The following MAPKAPK2 variants were observed in gnomAD, a reference collection of about 807,000 sequenced individuals.
MAPKAPK2 encodes MAPK activated protein kinase 2.
In MAPKAPK2, 9 loss-of-function variants were observed where a neutral mutation model predicts 48.8. The observed-to-expected ratio is 0.18, with a 90% CI of 0.11 to 0.32. The LOEUF is 0.32. Among genes scored for constraint, MAPKAPK2 ranks in the 10% least tolerant of loss-of-function variants. The pLI is 1.00. For synonymous variants in MAPKAPK2, 202 were observed against 190.6 expected, an observed-to-expected ratio of 1.06 and a Z score of -0.49; for missense variants, 331 against 498.3, an observed-to-expected ratio of 0.66 and a Z score of 3.20.
intron 1 of MAPKAPK2, among the ~76,000 whole-genome samples, chr1:206,711,185 A>G (rs1310641945): frequency 6.6e-6 from 1 of 152,238 alleles, no homozygotes; most frequent in African/African-American, 2.4e-5. Context: ...AAAACATTTT[A>G]CAAAATGGGA....
At chr1:206,728,100 G>A in intron 1 of MAPKAPK2, among the ~76,000 whole-genome samples, 1 of 152,170 alleles carries the variant, frequency 6.6e-6, no homozygotes, top group East Asian at 1.9e-4. Flanking sequence ...GGAGAAGAAG[G>A]GGCATCAGTG....
Position 206,731,392 on chromosome 1 carries a change from G to A in MAPKAPK2, c.892+130G>A. The A allele has an allele frequency of 6.7e-7, 1 of 1,492,224 alleles. No homozygotes were observed. The highest frequency in any genetic ancestry group is 2.4e-5 in the East Asian group (1 of 41,066). The allele number at this position is 1,492,224 out of a possible 1,614,324, so 92.4% of individuals were successfully genotyped here. The stretch of plus-strand genomic sequence containing the variant: ...GGTGTAACTGTGGGTTAGCACCTAT[G>A]CCCACGCCTGCGGGGTGCGTCCTGC... On this transcript the variant is annotated intron_variant, in intron 7 of 9. Transcript: ENST00000367103. This position sits in a 1 kb window ranked among gnomAD's most constrained non-coding sequence, Gnocchi z 5.9.
chr1:206,730,921 A>G (rs1290310234), intron 6 of MAPKAPK2, among the ~76,000 whole-genome samples, 158 bp downstream of exon 6: 2 of 152,154 alleles, frequency 1.3e-5, no homozygotes, highest in Non-Finnish European at 2.9e-5. Flanking sequence ...TGGCGGGTGT[A>G]AACCAGCTCA....
chr1:206,719,296 G>A (rs1190231561), intron 1 of MAPKAPK2, among the ~76,000 whole-genome samples: 2 of 152,180 alleles, frequency 1.3e-5, no homozygotes, highest in Admixed American at 6.5e-5. Flanking sequence ...AGAGGGGGCC[G>A]ACAGGCACAG....
intron 1 of MAPKAPK2, among the ~76,000 whole-genome samples, chr1:206,699,398 C>G (rs1672730632): frequency 6.6e-6 from 1 of 152,190 alleles, no homozygotes; most frequent in Admixed American, 6.5e-5. Context: ...ATACCTGTGA[C>G]ACAGCCAGGG....
rs1673943715 is a variant in MAPKAPK2, at chr1:206,732,339, G to T, written c.1060-236G>T. On this transcript the variant is annotated intron_variant, in intron 9 of 9. Transcript: ENST00000367103. This position sits in a 1 kb window ranked among gnomAD's most constrained non-coding sequence, Gnocchi z 4.4. ...TTCCTCCTATCCTGCGGGATCACTG[G>T]GGGGCTCTCAGGGAACAGCAGCAGT... The T allele has an allele frequency of 2.1e-6, 3 of 1,443,634 alleles. No homozygotes were observed. Among genetic ancestry groups the T allele is most frequent in the African/African-American group, 1.4e-5 (1 of 69,686 alleles). The allele number at this position is 1,443,634 out of a possible 1,614,324, so 89.4% of individuals were successfully genotyped here.
intron 1 of MAPKAPK2, among the ~76,000 whole-genome samples, chr1:206,700,745 C>A (rs1214102742): frequency 6.6e-6 from 1 of 152,214 alleles, no homozygotes; most frequent in African/African-American, 2.4e-5. Context: ...GATTCAATTT[C>A]TCTCCCTTGG....
intron 1 of MAPKAPK2, among the ~76,000 whole-genome samples, chr1:206,701,272 C>T (rs1412960505): frequency 1.3e-5 from 2 of 152,194 alleles, no homozygotes; most frequent in African/African-American, 4.8e-5. Context: ...GTGTTAATAA[C>T]ATTTAAAATT....
chr1:206,703,786 C>A (rs1672868972), intron 1 of MAPKAPK2, among the ~76,000 whole-genome samples: 1 of 152,218 alleles, frequency 6.6e-6, no homozygotes, highest in Admixed American at 6.5e-5. Context: ...AATTCCCCAG[C>A]CCCTTGAGGT....
intron 1 of MAPKAPK2, among the ~76,000 whole-genome samples, chr1:206,719,448 A>G (rs1371618218): frequency 6.6e-6 from 1 of 152,262 alleles, no homozygotes; most frequent in Admixed American, 6.5e-5. Flanking sequence ...GAACATTAAT[A>G]ACAAATAGAG....
chr1:206,687,406 C>T (rs1474577790), intron 1 of MAPKAPK2, among the ~76,000 whole-genome samples: 1 of 152,214 alleles, frequency 6.6e-6, no homozygotes, highest in Non-Finnish European at 1.5e-5. Flanking sequence ...TAGTTTATCC[C>T]TCTCAGGTTA....
At chr1:206,701,525 G>A (rs1298009499) in intron 1 of MAPKAPK2, among the ~76,000 whole-genome samples, 2 of 151,990 alleles carry the variant, frequency 1.3e-5, no homozygotes, top group Non-Finnish European at 2.9e-5. Context: ...ATTTAGAAAA[G>A]GATCTTAAAA....
rs559281982 is a variant in MAPKAPK2 at position 206,691,883 on chromosome 1, A to G, written c.279+6375A>G. On this transcript the variant is annotated intron_variant, in intron 1 of 9. Transcript: ENST00000367103. Reference sequence around the variant, plus strand: ...GCCTGTGTCCAGTTAATGAATAATCATCACTGACCAGCTGCTCCTTCTCTT... The same window carrying G: ...GCCTGTGTCCAGTTAATGAATAATCGTCACTGACCAGCTGCTCCTTCTCTT... Among the ~76,000 whole-genome samples the G allele has an allele frequency of 7.2e-5, 11 of 152,310 alleles. No individual in the cohort carries two copies. The South Asian group carries it at 2.3e-3, about 32-fold the overall frequency.
chr1:206,728,681 A>C, intron 1 of MAPKAPK2, 29 bp from the exon 2 acceptor site: 1 of 1,607,088 alleles, frequency 6.2e-7, no homozygotes, highest in Non-Finnish European at 8.5e-7. Context: ...GTGACAGCGC[A>C]GTTACTCAGA....
intron 1 of MAPKAPK2, among the ~76,000 whole-genome samples, chr1:206,711,529 G>A (rs563494693): frequency 6.6e-6 from 1 of 151,936 alleles, no homozygotes; most frequent in Non-Finnish European, 1.5e-5. Flanking sequence ...GGGATTACAG[G>A]TGTGAGCCAC....
rs963208302 is a variant in MAPKAPK2, at chr1:206,732,480, C to T, written c.1060-95C>T. The T allele has an allele frequency of 1.4e-5, 22 of 1,560,782 alleles. No individual in the cohort carries two copies. Among genetic ancestry groups the T allele is most frequent in the East Asian group, 2.3e-5 (1 of 44,202 alleles). On this transcript the variant is annotated intron_variant, in intron 9 of 9. Coordinates refer to ENST00000367103, the MANE Select transcript of MAPKAPK2 (RefSeq NM_032960.4). The surrounding 1 kb of genome is among the most constrained non-coding windows in gnomAD (Gnocchi z 4.4). ...CCACCCCTGCCGCCCTCACCCTGCCCTTGTTGTCTCTGTCTCTCACGTCTC... is the reference window on the plus strand; with the variant it reads ...CCACCCCTGCCGCCCTCACCCTGCCTTTGTTGTCTCTGTCTCTCACGTCTC...
At chr1:206,730,236 C>T in intron 5 of MAPKAPK2, 138 bp downstream of exon 5, 1 of 1,064,310 alleles carries the variant, frequency 9.4e-7, no homozygotes, top group Non-Finnish European at 1.4e-6. Flanking sequence ...CTGCTGGGAC[C>T]TGCTGAGAAG....
chr1:206,732,291 T>G lies in MAPKAPK2; in HGVS notation c.1060-284T>G, dbSNP rs1401984467. On this transcript the variant is annotated intron_variant, in intron 9 of 9. Coordinates refer to ENST00000367103, the MANE Select transcript of MAPKAPK2 (RefSeq NM_032960.4). The surrounding 1 kb of genome is among the most constrained non-coding windows in gnomAD (Gnocchi z 4.4). ...GGTTGGGGCAGACCGGACCCAGGTT[T>G]CCTGACTCCTGGCCCAAGTCTCTTC... 10 of 1,447,976 alleles carry G rather than the reference T, an allele frequency of 6.9e-6. No homozygotes were observed. The highest frequency in any genetic ancestry group is 9.1e-6 in the Non-Finnish European group (10 of 1,103,892). The allele number at this position is 1,447,976 out of a possible 1,614,324, so 89.7% of individuals were successfully genotyped here. A position where few individuals can be genotyped will look rare whatever the true frequency, so the allele number is the denominator to read the frequency against.
chr1:206,701,156 T>G (rs1461323399), intron 1 of MAPKAPK2, among the ~76,000 whole-genome samples: 1 of 152,146 alleles, frequency 6.6e-6, no homozygotes, highest in Non-Finnish European at 1.5e-5. Flanking sequence ...AGAATTTACT[T>G]GTTTGCCTGG....
Sources: gnomAD v4.1 joint callset for allele counts (sites outside exome capture counted in the v4.1 genomes callset) on GRCh38, gnomAD v4.1.1 for gene constraint, Gnocchi (gnomAD v3.1) non-coding constraint, MANE v1.5 for transcripts, NCBI Gene and HGNC (gene_info 2026-07-23, HGNC 2026-07-21) for gene names.